The following PLCB1 variants were observed in gnomAD, a reference collection of about 807,000 sequenced individuals.
PLCB1 encodes the protein 1-phosphatidylinositol 4,5-bisphosphate phosphodiesterase beta-1.
In PLCB1, 46 loss-of-function variants were observed where a neutral mutation model predicts 161.8. The ratio of observed to expected loss-of-function variants is 0.28; its 90% confidence interval spans 0.22 to 0.36. The LOEUF is 0.36. PLCB1 is among the 10% of genes least tolerant of loss of function. The probability of loss-of-function intolerance (pLI) is 1.00; values close to 1 mark genes in which losing one functional copy is unlikely to be tolerated. For synonymous variants in PLCB1, 517 were observed against 503.7 expected, an observed-to-expected ratio of 1.03 and a Z score of -0.35; for missense variants, 1,016 against 1,472.5, an observed-to-expected ratio of 0.69 and a Z score of 5.07.
intron 3 of PLCB1, among the ~76,000 whole-genome samples, chr20:8,606,843 A>G (rs1391998832): frequency 6.6e-6 from 1 of 152,188 alleles, no homozygotes; most frequent in Non-Finnish European, 1.5e-5. Context: ...AAAGTATTTC[A>G]AGGTCTTTCT....
intron 2 of PLCB1, among the ~76,000 whole-genome samples, chr20:8,209,651 A>C (rs1020495895): frequency 6.6e-6 from 1 of 152,160 alleles, no homozygotes; most frequent in African/African-American, 2.4e-5. Context: ...ATAATACAGA[A>C]GTATGTGAAA....
chr20:8,443,387 T>C (rs897094012), intron 3 of PLCB1, among the ~76,000 whole-genome samples: 1 of 152,194 alleles, frequency 6.6e-6, no homozygotes, highest in African/African-American at 2.4e-5. Flanking sequence ...ATCCATCCTG[T>C]AGGGTGAGGC....
At chr20:8,828,973 T>C (rs1985849217) in intron 31 of PLCB1, among the ~76,000 whole-genome samples, 1 of 152,120 alleles carries the variant, frequency 6.6e-6, no homozygotes, top group African/African-American at 2.4e-5. Context: ...TATAATAAAG[T>C]ATTCTTATTG....
chr20:8,490,583 A>G (rs1982902801), intron 3 of PLCB1, among the ~76,000 whole-genome samples: 1 of 152,216 alleles, frequency 6.6e-6, no homozygotes, highest in Non-Finnish European at 1.5e-5. Flanking sequence ...TCACTGTCCC[A>G]CTAGCAGTGT....
At chr20:8,729,349 A>C in intron 18 of PLCB1, 175 bp downstream of exon 18, 1 of 430,342 alleles carries the variant, frequency 2.3e-6, no homozygotes. Flanking sequence ...GAAAATCGAG[A>C]CATGTTCTTC....
At chr20:8,814,295 T>G (rs2146256255) in intron 31 of PLCB1, among the ~76,000 whole-genome samples, 1 of 152,334 alleles carries the variant, frequency 6.6e-6, no homozygotes, top group Admixed American at 6.5e-5. Context: ...GATTCTGGCC[T>G]TTTGGAACAT....
chr20:8,422,237 G>A (rs1407636199), intron 3 of PLCB1, among the ~76,000 whole-genome samples: 2 of 152,190 alleles, frequency 1.3e-5, no homozygotes, highest in South Asian at 2.1e-4. Context: ...AAATCAGAGC[G>A]TGACTAACAC....
chr20:8,755,983 G>A (rs997387924), intron 23 of PLCB1, among the ~76,000 whole-genome samples: 4 of 152,228 alleles, frequency 2.6e-5, no homozygotes, highest in African/African-American at 9.6e-5. Flanking sequence ...TTTGTACAAG[G>A]TGATGGCTTT....
intron 2 of PLCB1, among the ~76,000 whole-genome samples, chr20:8,233,974 G>A (rs1243639540): frequency 2.6e-5 from 4 of 152,096 alleles, no homozygotes; most frequent in African/African-American, 9.7e-5. Context: ...TCATTCTACT[G>A]TTATGGGCAG....
Position 8,828,460 on chromosome 20 carries a change from A to G in PLCB1, c.3423+38199A>G, listed in dbSNP as rs147536233. On this transcript the variant is annotated intron_variant, in intron 31 of 31. Coordinates refer to ENST00000338037, the MANE Select transcript of PLCB1 (RefSeq NM_015192.4). Reference sequence around the variant, plus strand: ...CTAAGACAATGGAAAATTATTTTGCAGTGAGACCCAAGCCAATCCAGACAC... The same window carrying G: ...CTAAGACAATGGAAAATTATTTTGCGGTGAGACCCAAGCCAATCCAGACAC... Among the ~76,000 whole-genome samples the G allele has an allele frequency of 5.0e-3, 755 of 152,332 alleles. 11 individuals are homozygous for G. Among genetic ancestry groups the G allele is most frequent in the African/African-American group, 0.017 (719 of 41,572 alleles).
Position 8,390,970 on chromosome 20 carries a change from G to T in PLCB1, c.246+19520G>T, listed in dbSNP as rs181698081. Among the ~76,000 whole-genome samples, 55 of 151,312 alleles carry T rather than the reference G, an allele frequency of 3.6e-4. No individual in the cohort carries two copies. In the East Asian group the frequency reaches 9.9e-3, roughly 27 times the overall value. On this transcript the variant is annotated intron_variant, in intron 3 of 31. Coordinates refer to ENST00000338037, the MANE Select transcript of PLCB1 (RefSeq NM_015192.4). ...GACTAAATGACAAAATGCACGTAAG[G>T]CACCTAACACAATTGTCACATCCAT...
At chr20:8,554,433 A>G in intron 3 of PLCB1, among the ~76,000 whole-genome samples, 1 of 152,192 alleles carries the variant, frequency 6.6e-6, no homozygotes, top group East Asian at 1.9e-4. Flanking sequence ...ATAAATAAAA[A>G]TGAATTGCTA....
chr20:8,525,781 C>CTT (rs202026947), intron 3 of PLCB1, among the ~76,000 whole-genome samples: 10 of 142,726 alleles, frequency 7.0e-5, no homozygotes, highest in East Asian at 4.0e-4. Flanking sequence ...AAAAAAACAG[C>CTT]TTTTTTTTTT....
At chr20:8,621,695 C>A (rs1268459281) in intron 3 of PLCB1, among the ~76,000 whole-genome samples, 1 of 152,144 alleles carries the variant, frequency 6.6e-6, no homozygotes, top group Admixed American at 6.5e-5. Context: ...GAACTATTTG[C>A]ACTATTTTAT....
chr20:8,271,235 A>G (rs975018500), intron 2 of PLCB1, among the ~76,000 whole-genome samples: 1 of 151,956 alleles, frequency 6.6e-6, no homozygotes, highest in Non-Finnish European at 1.5e-5. Context: ...GCTTCCTTCA[A>G]TTTTTCTTTT....
intron 4 of PLCB1, among the ~76,000 whole-genome samples, chr20:8,635,534 G>T (rs79745660): frequency 2.0e-5 from 3 of 152,074 alleles, no homozygotes; most frequent in Admixed American, 1.3e-4. Flanking sequence ...CATTCATTAC[G>T]ATGGCTTCCA....
intron 3 of PLCB1, among the ~76,000 whole-genome samples, chr20:8,465,997 T>G (rs1302417933): frequency 6.1e-5 from 9 of 146,906 alleles, no homozygotes; most frequent in Non-Finnish European, 1.5e-5. Context: ...GGACTATAAA[T>G]CATGCTGCTA....
At chr20:8,863,147 G>T (rs948368347) in intron 31 of PLCB1, among the ~76,000 whole-genome samples, 3 of 152,180 alleles carry the variant, frequency 2.0e-5, no homozygotes, top group Non-Finnish European at 4.4e-5. Flanking sequence ...AGGACAGTCT[G>T]CATGACAATG....
chr20:8,633,470 T>C (rs1988665857), intron 4 of PLCB1, among the ~76,000 whole-genome samples: 1 of 152,088 alleles, frequency 6.6e-6, no homozygotes, highest in Admixed American at 6.6e-5. Flanking sequence ...GGGTATTTGA[T>C]TGTATTAAAA....
Sources: allele counts gnomAD v4.1 joint callset (sites outside exome capture counted in the v4.1 genomes callset), GRCh38; gene constraint gnomAD v4.1.1; transcripts MANE v1.5; gene names NCBI Gene and HGNC (gene_info 2026-07-23, HGNC 2026-07-21).